Variants in STK3 observed in about 807,000 individuals in gnomAD.
STK3 encodes serine/threonine-protein kinase 3.
A neutral mutation model predicts 58.0 loss-of-function variants in STK3; 41 were observed. The ratio of observed to expected loss-of-function variants is 0.71; its 90% confidence interval spans 0.55 to 0.92. The LOEUF is 0.92. Among genes scored for constraint, STK3 ranks in the 40% least tolerant of loss-of-function variants. STK3 has a pLI of 0.00. For missense variants in STK3, 479 were observed against 602.7 expected (o/e 0.79, Z 2.15); for synonymous variants, 170 against 191.0 (o/e 0.89, Z 0.91).
chr8:98,737,959 C>T (rs2131284981), intron 4 of STK3, among the ~76,000 whole-genome samples: 1 of 152,290 alleles, frequency 6.6e-6, no homozygotes, highest in Middle Eastern at 3.4e-3. Context: ...ATCCACCTGC[C>T]TTGGCCTCCA....
At chr8:98,558,075 G>A (rs1232448364) in intron 8 of STK3, among the ~76,000 whole-genome samples, 5 of 152,140 alleles carry the variant, frequency 3.3e-5, no homozygotes, top group South Asian at 2.1e-4. Flanking sequence ...AACCTTAACC[G>A]TGACATTTCT....
upstream of STK3, among the ~76,000 whole-genome samples, chr8:98,392,724 TG>T (rs1223938379): frequency 6.6e-6 from 1 of 152,166 alleles, no homozygotes; most frequent in Non-Finnish European, 1.5e-5. Context: ...CAATATGACT[TG>T]GAATTAGGAC....
At chr8:98,736,530 T>G (rs1425890448) in intron 4 of STK3, among the ~76,000 whole-genome samples, 1 of 152,222 alleles carries the variant, frequency 6.6e-6, no homozygotes, top group East Asian at 1.9e-4. Flanking sequence ...TTAAATGTTT[T>G]ATTTAAAAGA....
intron 3 of STK3, among the ~76,000 whole-genome samples, chr8:98,867,385 G>A (rs1837184443): frequency 6.6e-6 from 1 of 152,182 alleles, no homozygotes; most frequent in Non-Finnish European, 1.5e-5. Flanking sequence ...CTGCGTTCCA[G>A]CCTGGGTGAT....
chr8:98,356,019 G>A, the STK3 span, among the ~76,000 whole-genome samples: 3 of 152,202 alleles, frequency 2.0e-5, no homozygotes, highest in East Asian at 5.8e-4. Context: ...GGCTTGTGAT[G>A]GACAGAATAT....
chr8:98,894,020 C>A (rs1262883225), intron 1 of STK3, among the ~76,000 whole-genome samples: 1 of 152,194 alleles, frequency 6.6e-6, no homozygotes, highest in Non-Finnish European at 1.5e-5. Context: ...AATGTGTTCA[C>A]TGGTTTATTA....
intron 3 of STK3, among the ~76,000 whole-genome samples, chr8:98,869,414 C>G (rs1837281585): frequency 6.6e-6 from 1 of 152,104 alleles, no homozygotes; most frequent in Non-Finnish European, 1.5e-5. Context: ...GAGTGAGACC[C>G]TGTCTCAAAA....
At chr8:98,573,578 C>A (rs1332768167) in intron 8 of STK3, among the ~76,000 whole-genome samples, 1 of 152,126 alleles carries the variant, frequency 6.6e-6, no homozygotes, top group African/African-American at 2.4e-5. Flanking sequence ...CAAACCATAT[C>A]ATTCTGCCCC....
At chr8:98,927,817 G>A (rs1396182937) in intron 1 of STK3, among the ~76,000 whole-genome samples, 1 of 152,220 alleles carries the variant, frequency 6.6e-6, no homozygotes, top group Non-Finnish European at 1.5e-5. Context: ...AGGCCACAGA[G>A]TGGGAGCTGT....
chr8:98,690,961 G>GA (rs1216332529), intron 6 of STK3, among the ~76,000 whole-genome samples: 1 of 152,206 alleles, frequency 6.6e-6, no homozygotes, highest in East Asian at 1.9e-4. Flanking sequence ...CACAGAAACA[G>GA]AAAACCAAAC....
At chr8:98,615,161 C>T (rs1436565803) in intron 6 of STK3, among the ~76,000 whole-genome samples, 5 of 151,910 alleles carry the variant, frequency 3.3e-5, no homozygotes, top group Admixed American at 3.3e-4. Context: ...CCCCTGACCC[C>T]CGAGCAGCCT....
intron 6 of STK3, among the ~76,000 whole-genome samples, chr8:98,670,805 T>C (rs1446240441): frequency 6.6e-6 from 1 of 152,188 alleles, no homozygotes; most frequent in Non-Finnish European, 1.5e-5. Context: ...CTGTCCCCTC[T>C]CTAGACTGAG....
chr8:98,484,885 A>G (rs1213833534), intron 10 of STK3, among the ~76,000 whole-genome samples: 1 of 152,210 alleles, frequency 6.6e-6, no homozygotes, highest in East Asian at 1.9e-4. Flanking sequence ...GAGTAACACA[A>G]TGAATATGAT....
chr8:98,661,425 C>G (rs1254843790), intron 6 of STK3, among the ~76,000 whole-genome samples: 1 of 152,040 alleles, frequency 6.6e-6, no homozygotes, highest in Admixed American at 6.6e-5. Context: ...TTCTCTATCA[C>G]CGCAGCTAAT....
upstream of STK3, among the ~76,000 whole-genome samples, chr8:98,389,974 C>T (rs1310474604): frequency 6.6e-6 from 1 of 151,972 alleles, no homozygotes; most frequent in Non-Finnish European, 1.5e-5. Flanking sequence ...GCATGAGCCC[C>T]CCTTTCCCCA....
At chr8:98,781,649 C>T (rs1832095432) in intron 1 of STK3, among the ~76,000 whole-genome samples, 1 of 152,138 alleles carries the variant, frequency 6.6e-6, no homozygotes, top group Non-Finnish European at 1.5e-5. Flanking sequence ...TCCAGATTCT[C>T]CCTAGAGGAG....
Position 98,886,186 on chromosome 8 carries a change from T to C in STK3, c.-78-2352A>G, listed in dbSNP as rs146067805. ...AAAATTGCACAGAACTATGTACACA[T>C]ACACACACACACACAACTACATCTA... On this transcript the variant is annotated intron_variant, in intron 1 of 1. Transcript: ENST00000519420. Among the ~76,000 whole-genome samples the C allele has an allele frequency of 7.0e-3, 1,068 of 151,632 alleles. 10 individuals are homozygous for C. The highest frequency in any genetic ancestry group is 0.024 in the African/African-American group (1,001 of 41,380).
At chr8:98,439,504 A>C (rs754036450) in intron 1 of STK3, among the ~76,000 whole-genome samples, 2 of 152,160 alleles carry the variant, frequency 1.3e-5, no homozygotes, top group Non-Finnish European at 2.9e-5. Flanking sequence ...AGCTTGCCAG[A>C]TATTCCCCTC....
At chr8:98,652,334 C>A (rs1262445766) in intron 6 of STK3, among the ~76,000 whole-genome samples, 9 of 152,188 alleles carry the variant, frequency 5.9e-5, no homozygotes, top group South Asian at 2.1e-4. Context: ...GAAGGAAGCA[C>A]TAAACATGGA....
Sources: gnomAD v4.1 joint callset for allele counts (sites outside exome capture counted in the v4.1 genomes callset) on GRCh38, gnomAD v4.1.1 for gene constraint, MANE v1.5 for transcripts, NCBI Gene and HGNC (gene_info 2026-07-23, HGNC 2026-07-21) for gene names.